PBX1: variants seen among roughly 807,000 people sequenced by gnomAD.
PBX1 encodes the protein PBX homeobox 1.
A neutral mutation model predicts 53.4 loss-of-function variants in PBX1; 6 were observed. That is an observed-to-expected ratio of 0.11 (90% CI 0.06 to 0.22). PBX1 has a LOEUF of 0.22. Ranked by LOEUF, PBX1 falls within the 10% of genes least tolerant of loss-of-function variation. The pLI is 1.00. For synonymous variants in PBX1, 204 were observed against 212.3 expected (o/e 0.96, Z 0.34); for missense variants, 251 against 551.4 (o/e 0.46, Z 5.46).
chr1:164,801,974 C>G (rs573265311), intron 4 of PBX1, among the ~76,000 whole-genome samples: 71 of 152,320 alleles, frequency 4.7e-4, no homozygotes, highest in Admixed American at 4.5e-3. Context: ...GCTAAGCAAA[C>G]TTAGTAAGAA....
chr1:164,604,586 T>A (rs1054410999), intron 2 of PBX1, among the ~76,000 whole-genome samples: 9 of 152,238 alleles, frequency 5.9e-5, no homozygotes, highest in Non-Finnish European at 1.3e-4. Flanking sequence ...TTTTTTATTC[T>A]GTCCTGAGAG....
chr1:164,653,515 G>A (rs1362379174), intron 2 of PBX1, among the ~76,000 whole-genome samples: 1 of 152,116 alleles, frequency 6.6e-6, no homozygotes, highest in Non-Finnish European at 1.5e-5. Context: ...CCTTACACAT[G>A]TAATACTAGC....
chr1:164,721,736 G>T (rs563903263), intron 2 of PBX1, among the ~76,000 whole-genome samples: 1 of 152,082 alleles, frequency 6.6e-6, no homozygotes, highest in South Asian at 2.1e-4. Flanking sequence ...CTCCTTCTCG[G>T]CTTGACTCTG....
At chr1:164,876,879 G>T (rs1320058309) in intron 2 of PBX1, among the ~76,000 whole-genome samples, 1 of 151,988 alleles carries the variant, frequency 6.6e-6, no homozygotes, top group Non-Finnish European at 1.5e-5. Context: ...CCTCCTTTAG[G>T]GCTACACCCA....
intron 2 of PBX1, among the ~76,000 whole-genome samples, chr1:164,578,402 T>G (rs1654400930): frequency 6.6e-6 from 1 of 152,236 alleles, no homozygotes; most frequent in Non-Finnish European, 1.5e-5. Context: ...TTTTTTCATT[T>G]GAGAAATACC....
At chr1:164,671,873 C>G (rs1162531668) in intron 2 of PBX1, among the ~76,000 whole-genome samples, 1 of 152,142 alleles carries the variant, frequency 6.6e-6, no homozygotes, top group Non-Finnish European at 1.5e-5. Context: ...ACAGAGCCTG[C>G]TTGCCCATAT....
In PBX1 at chr1:164,750,145, GGTGT is replaced by G. The variant is rs10665357; in HGVS notation, c.266-42314_266-42311del. Among the ~76,000 whole-genome samples the G allele has an allele frequency of 9.7e-3, 1,369 of 140,748 alleles. 14 individuals are homozygous for G. The highest frequency in any genetic ancestry group is 0.018 in the Middle Eastern group (5 of 274). The allele number at this position is 140,748 out of a possible 152,430, so 92.3% of individuals were successfully genotyped here. On this transcript the variant is annotated intron_variant, in intron 2 of 8. Coordinates refer to ENST00000420696, the MANE Select transcript of PBX1 (RefSeq NM_002585.4). The stretch of plus-strand genomic sequence containing the variant: ...AGAGCTTTCAAACTGGGGGCTAGTT[GGTGT>G]GTGTGTGTGTGTGTGTGTGTGTGTG...
At chr1:164,741,587 C>T (rs1267462565) in intron 2 of PBX1, among the ~76,000 whole-genome samples, 1 of 152,060 alleles carries the variant, frequency 6.6e-6, no homozygotes, top group African/African-American at 2.4e-5. Context: ...AGGTAGCTAA[C>T]CTTTTGTTTC....
chr1:164,578,381 G>T (rs1250106889), intron 2 of PBX1, among the ~76,000 whole-genome samples: 2 of 152,118 alleles, frequency 1.3e-5, no homozygotes, highest in African/African-American at 4.8e-5. Context: ...TCTCTATCCT[G>T]GTTGGATTTA....
chr1:164,839,290 A>G (rs1282045812), intron 8 of PBX1, among the ~76,000 whole-genome samples: 1 of 152,256 alleles, frequency 6.6e-6, no homozygotes, highest in East Asian at 1.9e-4. Context: ...TGAGAGCAGA[A>G]ACAAGATTTT....
intron 2 of PBX1, among the ~76,000 whole-genome samples, chr1:164,691,780 T>A (rs1662503881): frequency 6.6e-6 from 1 of 152,138 alleles, no homozygotes; most frequent in East Asian, 1.9e-4. Flanking sequence ...CTTCCACAGA[T>A]CCCCAATCTG....
chr1:164,810,588 A>T (rs1213873776), intron 5 of PBX1, among the ~76,000 whole-genome samples: 3 of 152,104 alleles, frequency 2.0e-5, no homozygotes, highest in Non-Finnish European at 4.4e-5. Context: ...TGAGAAAAAA[A>T]ATCTCCTTAC....
chr1:164,785,282 C>A (rs1668120827), intron 2 of PBX1, among the ~76,000 whole-genome samples: 1 of 152,076 alleles, frequency 6.6e-6, no homozygotes, highest in Admixed American at 6.5e-5. Context: ...TTAAAAATCA[C>A]CATTAAAAAA....
chr1:164,872,104 A>C (rs1672397249), intron 2 of PBX1, among the ~76,000 whole-genome samples: 2 of 152,156 alleles, frequency 1.3e-5, no homozygotes. Context: ...TGAAAAATGC[A>C]CTTATTCATA....
chr1:164,819,192 C>T (rs1670021496), intron 6 of PBX1: 1 of 152,152 alleles, frequency 6.6e-6, no homozygotes, highest in Non-Finnish European at 1.5e-5. Context: ...AGGTTCACCG[C>T]AGTGGAACCA....
At chr1:164,867,138 G>C (rs765553765) in intron 2 of PBX1, among the ~76,000 whole-genome samples, 2 of 152,156 alleles carry the variant, frequency 1.3e-5, no homozygotes, top group East Asian at 3.9e-4. Flanking sequence ...TTACATCTTC[G>C]ATCTGCTGCT....
chr1:164,771,269 G>A (rs1667355902), intron 2 of PBX1: 1 of 152,102 alleles, frequency 6.6e-6, no homozygotes, highest in Non-Finnish European at 1.5e-5. Context: ...CTTGCCTCGA[G>A]GGTGTGTGTT....
chr1:164,755,904 C>T (rs1261840328), intron 2 of PBX1, among the ~76,000 whole-genome samples: 1 of 151,514 alleles, frequency 6.6e-6, no homozygotes, highest in Non-Finnish European at 1.5e-5. Flanking sequence ...AAAGTTGGAG[C>T]TCCCCTGGCA....
At chr1:164,601,881 C>T (rs1377689221) in intron 2 of PBX1, among the ~76,000 whole-genome samples, 7 of 152,268 alleles carry the variant, frequency 4.6e-5, no homozygotes, top group South Asian at 2.1e-4. Flanking sequence ...TACTGCCCTC[C>T]GTTTCAGACA....
Sources: gnomAD v4.1 joint callset for allele counts (sites outside exome capture counted in the v4.1 genomes callset) on GRCh38, gnomAD v4.1.1 for gene constraint, MANE v1.5 for transcripts, NCBI Gene and HGNC (gene_info 2026-07-23, HGNC 2026-07-21) for gene names.